The following SAMD3 variants were observed in gnomAD, a reference collection of about 807,000 sequenced individuals.
SAMD3 encodes the protein sterile alpha motif domain containing 3.
SAMD3 carries 63 observed loss-of-function variants against 58.5 expected under a neutral mutation model. That is an observed-to-expected ratio of 1.08 (90% CI 0.88 to 1.33). SAMD3 has a LOEUF of 1.33. SAMD3 is among the 40% of genes most tolerant of loss of function. SAMD3 has a pLI of 0.00. For synonymous variants in SAMD3, 220 were observed against 210.3 expected, an observed-to-expected ratio of 1.05 and a Z score of -0.40; for missense variants, 604 against 608.4, an observed-to-expected ratio of 0.99 and a Z score of 0.08.
At chr6:130,344,155 A>G (rs548697783) in intron 1 of SAMD3, among the ~76,000 whole-genome samples, 1 of 152,282 alleles carries the variant, frequency 6.6e-6, no homozygotes, top group Non-Finnish European at 1.5e-5. Context: ...ACTGCAGAAA[A>G]TTTGGTAATA....
chr6:130,346,294 C>T (rs1035884163), intron 1 of SAMD3, among the ~76,000 whole-genome samples: 2 of 152,178 alleles, frequency 1.3e-5, no homozygotes, highest in South Asian at 2.1e-4. Context: ...CTGGGAAGTG[C>T]AAGGGGTCAG....
At chr6:130,247,756 T>G (rs1465525364) in intron 2 of SAMD3, among the ~76,000 whole-genome samples, 1 of 152,216 alleles carries the variant, frequency 6.6e-6, no homozygotes, top group East Asian at 1.9e-4. Flanking sequence ...ACAGACATAT[T>G]TGACTGCTAC....
At chr6:130,153,552 C>T (rs879226572) in intron 9 of SAMD3, among the ~76,000 whole-genome samples, 3 of 150,688 alleles carry the variant, frequency 2.0e-5, no homozygotes, top group Non-Finnish European at 4.4e-5. Context: ...TATATACCAC[C>T]ACCAAAAATT....
At chr6:130,365,417 G>A in exon 1 of SAMD3, 2 of 985,474 alleles carry the variant, frequency 2.0e-6, no homozygotes, top group Non-Finnish European at 2.4e-6. Context: ...GGCCTTGGCC[G>A]CGTCTTTTCC....
intron 2 of SAMD3, among the ~76,000 whole-genome samples, chr6:130,276,420 A>C (rs540769796): frequency 6.6e-6 from 1 of 152,314 alleles, no homozygotes; most frequent in African/African-American, 2.4e-5. Flanking sequence ...GTCAGGTTCT[A>C]ATACTTTTCT....
chr6:130,309,531 G>A (rs1017177078), intron 2 of SAMD3, among the ~76,000 whole-genome samples: 1 of 151,966 alleles, frequency 6.6e-6, no homozygotes, highest in African/African-American at 2.4e-5. Context: ...CATTGATATC[G>A]GCAACTACAG....
At chr6:130,298,136 G>C (rs989690493) in intron 2 of SAMD3, among the ~76,000 whole-genome samples, 2 of 152,092 alleles carry the variant, frequency 1.3e-5, no homozygotes, top group African/African-American at 4.8e-5. Context: ...CTAGAGAAAA[G>C]GGTCAAAATT....
intron 2 of SAMD3, among the ~76,000 whole-genome samples, chr6:130,287,901 C>T (rs781042197): frequency 4.0e-5 from 6 of 150,452 alleles, no homozygotes; most frequent in Non-Finnish European, 7.4e-5. Flanking sequence ...GCTGAGATCA[C>T]GCCACTGCAC....
At chr6:130,250,628 T>C (rs939946926) in intron 2 of SAMD3, among the ~76,000 whole-genome samples, 1 of 152,192 alleles carries the variant, frequency 6.6e-6, no homozygotes, top group African/African-American at 2.4e-5. Context: ...CAACCACTAA[T>C]CTGCCCTTTG....
chr6:130,219,729 T>G (rs1237060121), intron 1 of SAMD3, among the ~76,000 whole-genome samples: 1 of 152,204 alleles, frequency 6.6e-6, no homozygotes. Context: ...ATCCACTTGT[T>G]GATTGATGGG....
At chr6:130,173,740 G>T (rs1271180547) in intron 8 of SAMD3, among the ~76,000 whole-genome samples, 1 of 152,230 alleles carries the variant, frequency 6.6e-6, no homozygotes, top group Non-Finnish European at 1.5e-5. Context: ...AGAATCAGCT[G>T]CTCTCTTCAG....
At chr6:130,318,208 G>A (rs1776452386) in intron 1 of SAMD3, among the ~76,000 whole-genome samples, 1 of 152,148 alleles carries the variant, frequency 6.6e-6, no homozygotes, top group Non-Finnish European at 1.5e-5. Context: ...AGAGTACTCA[G>A]AAGAATTTTG....
chr6:130,263,062 A>G (rs1774198950), intron 2 of SAMD3, among the ~76,000 whole-genome samples: 1 of 152,224 alleles, frequency 6.6e-6, no homozygotes, highest in African/African-American at 2.4e-5. Flanking sequence ...GTTTAACATT[A>G]ATAACACACT....
chr6:130,321,182 T>A (rs1276423249), intron 1 of SAMD3, among the ~76,000 whole-genome samples: 1 of 152,228 alleles, frequency 6.6e-6, no homozygotes, highest in Non-Finnish European at 1.5e-5. Flanking sequence ...GGCTTACATC[T>A]TTCATGCTCT....
intron 5 of SAMD3, among the ~76,000 whole-genome samples, chr6:130,201,544 G>C (rs1303772007): frequency 6.6e-6 from 1 of 152,124 alleles, no homozygotes; most frequent in Non-Finnish European, 1.5e-5. Context: ...TTAGGACATT[G>C]GTATTTTTCC....
chr6:130,268,402 G>T (rs1481121604), intron 2 of SAMD3, among the ~76,000 whole-genome samples: 1 of 152,042 alleles, frequency 6.6e-6, no homozygotes, highest in Non-Finnish European at 1.5e-5. Flanking sequence ...GTTGAAGAAA[G>T]AAATGCTTTT....
intron 2 of SAMD3, among the ~76,000 whole-genome samples, chr6:130,295,232 A>AT (rs1306955935): frequency 3.9e-5 from 6 of 152,108 alleles, no homozygotes; most frequent in Non-Finnish European, 5.9e-5. Context: ...CTCTCTGATT[A>AT]TTTTTTTATC....
chr6:130,319,172 A>G lies in SAMD3; in HGVS notation c.-303-6079T>C, dbSNP rs146221273. On this transcript the variant is annotated intron_variant, in intron 1 of 13. Coordinates refer to the SAMD3 transcript ENST00000368134. ...GTGAGGCAACTTCAAGCAAACTAAT[A>G]CAGGAGAATTTGGAACCCCCACAGG... Among the ~76,000 whole-genome samples the G allele has an allele frequency of 8.1e-3, 1,239 of 152,280 alleles. 7 individuals are homozygous for G. Among genetic ancestry groups the G allele is most frequent in the Non-Finnish European group, 0.013 (908 of 68,024 alleles).
At chr6:130,223,173 T>A (rs1187255515), upstream of SAMD3, among the ~76,000 whole-genome samples, 1 of 152,124 alleles carries the variant, frequency 6.6e-6, no homozygotes, top group African/African-American at 2.4e-5. Context: ...AGAAAAAAAA[T>A]TTCCTATATC....
Sources: gnomAD v4.1 joint callset for allele counts (sites outside exome capture counted in the v4.1 genomes callset) on GRCh38, gnomAD v4.1.1 for gene constraint, MANE v1.5 for transcripts, NCBI Gene and HGNC (gene_info 2026-07-23, HGNC 2026-07-21) for gene names.